Variants in GABBR2 observed in about 807,000 individuals in gnomAD.
The protein encoded by GABBR2 is gamma-aminobutyric acid type B receptor subunit 2.
In GABBR2, 23 loss-of-function variants were observed where a neutral mutation model predicts 105.6. The ratio of observed to expected loss-of-function variants is 0.22; its 90% CI spans 0.16 to 0.31. The LOEUF (loss-of-function observed/expected upper bound fraction) is 0.31, where lower values mean the gene tolerates loss of function less well. Ranked by LOEUF, GABBR2 falls within the 10% of genes least tolerant of loss-of-function variation. GABBR2 has a pLI of 1.00. For synonymous variants in GABBR2, 478 were observed against 499.7 expected (o/e 0.96, Z 0.58); for missense variants, 734 against 1,245.5 (o/e 0.59, Z 6.18).
intron 13 of GABBR2, among the ~76,000 whole-genome samples, chr9:98,315,899 G>T (rs1267434716): frequency 6.6e-6 from 1 of 152,232 alleles, no homozygotes; most frequent in Non-Finnish European, 1.5e-5. Context: ...AAGCACCATG[G>T]GGGACTCCCC....
At chr9:98,623,858 T>C (rs913277964) in intron 1 of GABBR2, among the ~76,000 whole-genome samples, 2 of 152,242 alleles carry the variant, frequency 1.3e-5, no homozygotes, top group African/African-American at 4.8e-5. Flanking sequence ...CCGCAGGTTC[T>C]GCCATGAGAA....
chr9:98,296,131 G>A (rs756389056), intron 17 of GABBR2, among the ~76,000 whole-genome samples: 1 of 152,210 alleles, frequency 6.6e-6, no homozygotes, highest in Non-Finnish European at 1.5e-5. Flanking sequence ...GCCTTTAGGA[G>A]GTAATTAAGT....
At chr9:98,374,047 C>T (rs12340940) in intron 11 of GABBR2, among the ~76,000 whole-genome samples, 17,051 of 151,774 alleles carry the variant, frequency 0.11, 1,061 homozygotes, top group East Asian at 0.16. Flanking sequence ...TTAGTAGAGA[C>T]GAAATCTTGC....
chr9:98,444,407 T>G lies in GABBR2; in HGVS notation c.1236+9574A>C, dbSNP rs186645560. On this transcript the variant is annotated intron_variant, in intron 7 of 18. Coordinates refer to ENST00000259455, the MANE Select transcript of GABBR2 (RefSeq NM_005458.8). ...ACCTGACATAGGTGAGCAAGCCAGA[T>G]GCAGCTCACTGGAGGAGTGTACCAG... Among the ~76,000 whole-genome samples, 181 of 152,202 alleles carry G rather than the reference T, an allele frequency of 1.2e-3. 1 individual carries two copies. The highest frequency in any genetic ancestry group is 3.9e-3 in the African/African-American group (161 of 41,522).
At chr9:98,338,816 C>T (rs559030308) in intron 13 of GABBR2, among the ~76,000 whole-genome samples, 147 of 152,186 alleles carry the variant, frequency 9.7e-4, no homozygotes, top group Admixed American at 2.1e-3. Context: ...TATGTTCACA[C>T]AAAAATTTGT....
At chr9:98,686,921 A>C (rs1830627946) in intron 1 of GABBR2, among the ~76,000 whole-genome samples, 1 of 151,974 alleles carries the variant, frequency 6.6e-6, no homozygotes, top group South Asian at 2.1e-4. Flanking sequence ...CTGTACTTCC[A>C]GCAGAGCCCA....
At chr9:98,498,796 T>C (rs973501061) in intron 3 of GABBR2, among the ~76,000 whole-genome samples, 9 of 152,228 alleles carry the variant, frequency 5.9e-5, no homozygotes, top group Non-Finnish European at 1.2e-4. Context: ...CCATTAGAGT[T>C]TATTTCTGCT....
chr9:98,461,846 T>C (rs1412802120), intron 6 of GABBR2, among the ~76,000 whole-genome samples: 5 of 152,186 alleles, frequency 3.3e-5, no homozygotes, highest in African/African-American at 1.2e-4. Flanking sequence ...GTGTGGCACA[T>C]GGCAAGAATG....
At chr9:98,332,848 G>C (rs1010342156) in intron 13 of GABBR2, among the ~76,000 whole-genome samples, 2 of 152,206 alleles carry the variant, frequency 1.3e-5, no homozygotes, top group Non-Finnish European at 2.9e-5. Flanking sequence ...TTAATTCTTC[G>C]AGTCTTCTGT....
At chr9:98,383,806 G>T (rs559994372) in intron 11 of GABBR2, among the ~76,000 whole-genome samples, 1 of 152,310 alleles carries the variant, frequency 6.6e-6, no homozygotes, top group African/African-American at 2.4e-5. Flanking sequence ...ATCTTGGGGG[G>T]CTTCCCTTCT....
At chr9:98,364,883 G>A (rs1208181427) in intron 12 of GABBR2, among the ~76,000 whole-genome samples, 1 of 152,192 alleles carries the variant, frequency 6.6e-6, no homozygotes, top group Non-Finnish European at 1.5e-5. Context: ...TTACAGGTGT[G>A]AGCCACCACA....
At chr9:98,382,677 CA>C (rs1832000097) in intron 11 of GABBR2, among the ~76,000 whole-genome samples, 1 of 152,146 alleles carries the variant, frequency 6.6e-6, no homozygotes, top group African/African-American at 2.4e-5. Flanking sequence ...GAAGCCTAAG[CA>C]CAGATGGAAG....
At chr9:98,462,791 C>T (rs1418779348) in intron 6 of GABBR2, among the ~76,000 whole-genome samples, 1 of 152,164 alleles carries the variant, frequency 6.6e-6, no homozygotes, top group Non-Finnish European at 1.5e-5. Context: ...ACTCAGAATT[C>T]CACCCCAAGT....
intron 13 of GABBR2, among the ~76,000 whole-genome samples, chr9:98,312,157 A>G (rs1000400523): frequency 6.6e-6 from 1 of 152,242 alleles, no homozygotes; most frequent in African/African-American, 2.4e-5. Context: ...TATCTAATAT[A>G]CTAGCCATTT....
intron 7 of GABBR2, among the ~76,000 whole-genome samples, chr9:98,413,319 G>C (rs1832622410): frequency 6.6e-6 from 1 of 151,834 alleles, no homozygotes. Context: ...ATAAAGGGTG[G>C]AGATCTGCAT....
At chr9:98,692,813 T>C (rs535963924) in intron 1 of GABBR2, among the ~76,000 whole-genome samples, 29 of 152,344 alleles carry the variant, frequency 1.9e-4, no homozygotes, top group Admixed American at 1.3e-4. Context: ...GAATTACAAA[T>C]GCTGTGCAGT....
intron 13 of GABBR2, among the ~76,000 whole-genome samples, chr9:98,355,629 T>C (rs531410735): frequency 1.6e-4 from 24 of 152,358 alleles, no homozygotes; most frequent in Admixed American, 7.8e-4. Context: ...AACTCAGTAT[T>C]GGTAAGATGT....
chr9:98,463,529 G>A (rs1826463817), intron 6 of GABBR2, among the ~76,000 whole-genome samples: 1 of 151,174 alleles, frequency 6.6e-6, no homozygotes, highest in African/African-American at 2.4e-5. Context: ...AGATGTTTTG[G>A]TGAAAAACAA....
chr9:98,418,511 G>A (rs1311320793), intron 7 of GABBR2, among the ~76,000 whole-genome samples: 1 of 151,900 alleles, frequency 6.6e-6, no homozygotes, highest in East Asian at 1.9e-4. Flanking sequence ...CTCCAGCCTG[G>A]GTGACAGAGT....
Sources: allele counts gnomAD v4.1 joint callset (sites outside exome capture counted in the v4.1 genomes callset), GRCh38; gene constraint gnomAD v4.1.1; transcripts MANE v1.5; gene names NCBI Gene and HGNC (gene_info 2026-07-23, HGNC 2026-07-21).